PRMT8: variants seen among roughly 807,000 people sequenced by gnomAD.
PRMT8 encodes the protein protein arginine N-methyltransferase 8.
A neutral mutation model predicts 47.1 loss-of-function variants in PRMT8; 7 were observed. The observed-to-expected ratio is 0.15, with a 90% CI of 0.08 to 0.28. The LOEUF is 0.28. Among genes scored for constraint, PRMT8 ranks in the 10% least tolerant of loss-of-function variants. The probability of loss-of-function intolerance (pLI) is 1.00; values close to 1 mark genes in which losing one functional copy is unlikely to be tolerated. For synonymous variants in PRMT8, 188 were observed against 186.5 expected (o/e 1.01, Z -0.07); for missense variants, 237 against 505.4 (o/e 0.47, Z 5.09).
At chr12:3,524,665 A>AC (rs1284999007) in intron 1 of PRMT8, among the ~76,000 whole-genome samples, 1 of 148,684 alleles carries the variant, frequency 6.7e-6, no homozygotes, top group African/African-American at 2.5e-5. Context: ...AAAAAAAAGC[A>AC]CCTGAAGCCC....
chr12:3,394,493 G>A (rs1422111868), intron 1 of PRMT8, among the ~76,000 whole-genome samples: 1 of 151,790 alleles, frequency 6.6e-6, no homozygotes, highest in East Asian at 1.9e-4. Context: ...CTTTGGTTCT[G>A]TTTATATGCT....
intron 1 of PRMT8, among the ~76,000 whole-genome samples, chr12:3,465,320 TA>T (rs1468192686): frequency 6.8e-6 from 1 of 147,162 alleles, no homozygotes; most frequent in Non-Finnish European, 1.5e-5. Flanking sequence ...ATATATACAT[TA>T]AATAAAAATA....
chr12:3,515,172 G>A (rs1203529251), intron 1 of PRMT8, among the ~76,000 whole-genome samples: 1 of 152,264 alleles, frequency 6.6e-6, no homozygotes. Context: ...CGTGCACTCA[G>A]CATAGGGTCT....
intron 7 of PRMT8, among the ~76,000 whole-genome samples, chr12:3,582,512 C>A (rs376496966): frequency 6.6e-6 from 1 of 152,180 alleles, no homozygotes; most frequent in African/African-American, 2.4e-5. Flanking sequence ...TTGCTGGGAA[C>A]TTGCGTATCA....
Position 3,557,011 on chromosome 12 carries a change from C to G in PRMT8, c.481+3297C>G, listed in dbSNP as rs563619982. Among the ~76,000 whole-genome samples the G allele has an allele frequency of 6.6e-6, 1 of 152,196 alleles. No individual in the cohort carries two copies. Among genetic ancestry groups the G allele is most frequent in the Non-Finnish European group, 1.5e-5 (1 of 68,010 alleles). ...AGATGGAGGTGCCAGTGGTGGGAAG[C>G]CCTTGTTTTGCTGCTTTCATTTGCT... On this transcript the variant is annotated intron_variant, in intron 4 of 9. Transcript: ENST00000382622. This position sits in a 1 kb window ranked among gnomAD's most constrained non-coding sequence, Gnocchi z 4.7.
intron 1 of PRMT8, among the ~76,000 whole-genome samples, chr12:3,529,213 C>G (rs1428935370): frequency 6.6e-6 from 1 of 152,188 alleles, no homozygotes; most frequent in Non-Finnish European, 1.5e-5. Context: ...ACTGGGTCTG[C>G]CTGGGTTCCT....
intron 1 of PRMT8, among the ~76,000 whole-genome samples, chr12:3,397,291 G>A (rs369608408): frequency 2.0e-5 from 3 of 151,686 alleles, no homozygotes; most frequent in Admixed American, 6.5e-5. Context: ...GGTGCTCTGC[G>A]TTTTAGAGTT....
intron 1 of PRMT8, among the ~76,000 whole-genome samples, chr12:3,429,026 C>T (rs182362550): frequency 5.3e-5 from 8 of 152,256 alleles, no homozygotes; most frequent in Admixed American, 4.6e-4. Context: ...CTCTCTCTCT[C>T]TCTATCTCTC....
chr12:3,577,664 G>T (rs1866972736), intron 7 of PRMT8, among the ~76,000 whole-genome samples: 1 of 133,864 alleles, frequency 7.5e-6, no homozygotes, highest in African/African-American at 2.9e-5. Flanking sequence ...AACATTAAGA[G>T]ACTTTTTTGT....
intron 4 of PRMT8, among the ~76,000 whole-genome samples, chr12:3,565,458 T>G (rs1170267097): frequency 6.6e-6 from 1 of 152,164 alleles, no homozygotes. Flanking sequence ...GGGAGATGGG[T>G]CCTTTTCCTT....
intron 1 of PRMT8, among the ~76,000 whole-genome samples, chr12:3,522,790 C>CA (rs534813428): frequency 1.2e-3 from 175 of 147,456 alleles, no homozygotes; most frequent in Middle Eastern, 3.5e-3. Flanking sequence ...AACAAACAAA[C>CA]AAAAAACAAA....
intron 1 of PRMT8, among the ~76,000 whole-genome samples, chr12:3,435,609 C>A (rs1367494126): frequency 6.6e-6 from 1 of 151,212 alleles, no homozygotes; most frequent in Non-Finnish European, 1.5e-5. Flanking sequence ...GCAAGCTCCG[C>A]CTCCCGGGTT....
chr12:3,400,517 A>G (rs934245872), intron 1 of PRMT8, among the ~76,000 whole-genome samples: 1 of 152,206 alleles, frequency 6.6e-6, no homozygotes, highest in African/African-American at 2.4e-5. Flanking sequence ...GCAGTAATAA[A>G]TAGCCTACCA....
At chr12:3,465,237 TA>T (rs58543162) in intron 1 of PRMT8, among the ~76,000 whole-genome samples, 22,216 of 141,352 alleles carry the variant, frequency 0.16, 1,977 homozygotes, top group African/African-American at 0.25. Flanking sequence ...AAAATATATA[TA>T]TTTTTATATA....
rs150592518 is a variant in PRMT8 at position 3,571,404 on chromosome 12, C to G, written c.712+1840C>G. On this transcript the variant is annotated intron_variant, in intron 6 of 9. Transcript: ENST00000382622. ...TAGGTACATTCTTCATTGTCAAGTT[C>G]ACTTAGATATTTATTGAGCTCCAAC... Among the ~76,000 whole-genome samples the G allele has an allele frequency of 2.1e-3, 320 of 152,302 alleles. 2 individuals are homozygous for G. Among genetic ancestry groups the G allele is most frequent in the African/African-American group, 7.5e-3 (312 of 41,550 alleles).
chr12:3,552,936 C>T lies in PRMT8; in HGVS notation c.418-715C>T. 2.8e-6 allele frequency: 1 copy of T among 353,134 alleles called. No homozygotes were observed. The allele number at this position is 353,134 out of a possible 1,614,324, so 21.9% of individuals were successfully genotyped here. Reference sequence around the variant, plus strand: ...CAGCTGCCCCTCCATGTCCAGAACCCCTGGCAGTGTGCCTGAGACGCTAAC... The same window carrying T: ...CAGCTGCCCCTCCATGTCCAGAACCTCTGGCAGTGTGCCTGAGACGCTAAC... On this transcript the variant is annotated intron_variant, in intron 3 of 9. Coordinates refer to ENST00000382622, the MANE Select transcript of PRMT8 (RefSeq NM_019854.5). This position sits in a 1 kb window ranked among gnomAD's most constrained non-coding sequence, Gnocchi z 4.5.
chr12:3,434,187 CCCT>C (rs1430549643), intron 1 of PRMT8, among the ~76,000 whole-genome samples: 1 of 152,132 alleles, frequency 6.6e-6, no homozygotes, highest in Non-Finnish European at 1.5e-5. Flanking sequence ...ACCATTAAAA[CCCT>C]TTAGGGACTG....
At chr12:3,406,420 A>AT (rs941570932) in intron 1 of PRMT8, among the ~76,000 whole-genome samples, 5 of 152,226 alleles carry the variant, frequency 3.3e-5, no homozygotes, top group South Asian at 2.1e-4. Flanking sequence ...GTGGACTTGA[A>AT]TTTTTTCCCA....
intron 1 of PRMT8, among the ~76,000 whole-genome samples, chr12:3,460,540 C>T (rs1043549142): frequency 2.0e-5 from 3 of 151,836 alleles, no homozygotes; most frequent in East Asian, 1.9e-4. Context: ...TGGAGGTTTG[C>T]GGGAGGAAGA....
Sources: allele counts gnomAD v4.1 joint callset (sites outside exome capture counted in the v4.1 genomes callset), GRCh38; gene constraint gnomAD v4.1.1; non-coding constraint Gnocchi (gnomAD v3.1); transcripts MANE v1.5; gene names NCBI Gene and HGNC (gene_info 2026-07-23, HGNC 2026-07-21).